SGCZ: variants seen among roughly 807,000 people sequenced by gnomAD.
The protein encoded by SGCZ is zeta-sarcoglycan.
SGCZ carries 40 observed loss-of-function variants against 41.3 expected under a neutral mutation model. The observed-to-expected ratio is 0.97, with a 90% CI of 0.75 to 1.26. The LOEUF (loss-of-function observed/expected upper bound fraction) is 1.26. Ranked by LOEUF, SGCZ falls within the 50% of genes most tolerant of loss-of-function variation. The pLI is 0.00. For missense variants in SGCZ, 552 were observed against 369.8 expected (o/e 1.49, Z -4.04); for synonymous variants, 206 against 137.5 (o/e 1.50, Z -3.49).
chr8:14,684,194 C>G (rs1808534280), intron 1 of SGCZ, among the ~76,000 whole-genome samples: 1 of 152,058 alleles, frequency 6.6e-6, no homozygotes. Flanking sequence ...TGTACTCACT[C>G]CCTTCATAAT....
At chr8:15,017,578 T>C (rs754876942) in intron 1 of SGCZ, among the ~76,000 whole-genome samples, 1 of 152,156 alleles carries the variant, frequency 6.6e-6, no homozygotes, top group Non-Finnish European at 1.5e-5. Context: ...CACGGCTCAA[T>C]GCAGCCTCAA....
At chr8:14,655,417 A>G (rs538724702) in intron 1 of SGCZ, among the ~76,000 whole-genome samples, 2 of 152,166 alleles carry the variant, frequency 1.3e-5, no homozygotes, top group Non-Finnish European at 2.9e-5. Context: ...AATTTCCTGC[A>G]TGCGTAACTT....
intron 1 of SGCZ, among the ~76,000 whole-genome samples, chr8:14,756,899 C>T (rs773530874): frequency 5.9e-5 from 9 of 152,068 alleles, no homozygotes; most frequent in East Asian, 1.9e-4. Flanking sequence ...CACACTCTAA[C>T]GAAATGAAAG....
chr8:14,302,368 G>A (rs1372352579), intron 3 of SGCZ, among the ~76,000 whole-genome samples: 2 of 152,096 alleles, frequency 1.3e-5, no homozygotes, highest in Admixed American at 6.6e-5. Flanking sequence ...ATTAAATCAA[G>A]TGTATTTTAT....
chr8:14,285,664 G>A (rs1042636439), intron 3 of SGCZ, among the ~76,000 whole-genome samples: 3 of 152,080 alleles, frequency 2.0e-5, no homozygotes, highest in African/African-American at 7.2e-5. Context: ...AAACAAAGAA[G>A]TCCTGACTAT....
At chr8:14,288,199 T>C (rs1018908236) in intron 3 of SGCZ, among the ~76,000 whole-genome samples, 3 of 152,114 alleles carry the variant, frequency 2.0e-5, no homozygotes, top group East Asian at 1.9e-4. Context: ...TTTTTCAGTG[T>C]ATTATAAAAT....
chr8:15,037,478 G>T (rs536943310), intron 1 of SGCZ, among the ~76,000 whole-genome samples: 2 of 152,272 alleles, frequency 1.3e-5, no homozygotes, highest in East Asian at 3.9e-4. Context: ...CACAGCATGA[G>T]AATGGACTAA....
chr8:14,817,674 G>A (rs1352044318), intron 1 of SGCZ, among the ~76,000 whole-genome samples: 1 of 152,136 alleles, frequency 6.6e-6, no homozygotes, highest in African/African-American at 2.4e-5. Flanking sequence ...GAACCCACAT[G>A]GCACCACCCT....
chr8:15,157,425 GA>G (rs775423781), intron 1 of SGCZ, among the ~76,000 whole-genome samples: 362 of 139,122 alleles, frequency 2.6e-3, no homozygotes, highest in South Asian at 5.7e-3. Context: ...TCTTAAGGGG[GA>G]AAAAAAAAAA....
At chr8:14,769,309 T>G (rs1007282517) in intron 1 of SGCZ, among the ~76,000 whole-genome samples, 1 of 152,168 alleles carries the variant, frequency 6.6e-6, no homozygotes, top group African/African-American at 2.4e-5. Context: ...GAAAAACCCT[T>G]TCTGCAAATA....
intron 1 of SGCZ, among the ~76,000 whole-genome samples, chr8:14,701,602 A>G (rs1174884935): frequency 6.6e-6 from 1 of 151,946 alleles, no homozygotes; most frequent in Non-Finnish European, 1.5e-5. Flanking sequence ...TTTGTCAACA[A>G]ACTATCCTGC....
At chr8:14,102,105 ATT>A (rs11294521) in intron 7 of SGCZ, among the ~76,000 whole-genome samples, 22 of 43,842 alleles carry the variant, frequency 5.0e-4, no homozygotes, top group African/African-American at 1.8e-3. Flanking sequence ...TATATATATA[ATT>A]TTTTTTTTTT....
At chr8:14,832,539 G>A (rs1376474350) in intron 1 of SGCZ, among the ~76,000 whole-genome samples, 2 of 152,068 alleles carry the variant, frequency 1.3e-5, no homozygotes, top group African/African-American at 4.8e-5. Context: ...GTGTAAATTT[G>A]TAATTGAAGA....
At chr8:14,971,182 A>G (rs1283996718) in intron 1 of SGCZ, among the ~76,000 whole-genome samples, 1 of 152,158 alleles carries the variant, frequency 6.6e-6, no homozygotes, top group Non-Finnish European at 1.5e-5. Context: ...GATTGCCCAC[A>G]TGAACAGTCA....
intron 2 of SGCZ, among the ~76,000 whole-genome samples, chr8:14,438,232 G>A (rs191943716): frequency 6.6e-6 from 1 of 151,924 alleles, no homozygotes; most frequent in Admixed American, 6.6e-5. Flanking sequence ...AGTTCTAGAT[G>A]ATTAAGTTCT....
intron 2 of SGCZ, among the ~76,000 whole-genome samples, chr8:14,373,588 C>A (rs1469570873): frequency 6.6e-6 from 1 of 151,840 alleles, no homozygotes; most frequent in Non-Finnish European, 1.5e-5. Flanking sequence ...AAGTATAGTA[C>A]CCTAAAAAAC....
chr8:14,854,918 G>T (rs894955357), intron 1 of SGCZ, among the ~76,000 whole-genome samples: 2 of 151,284 alleles, frequency 1.3e-5, no homozygotes, highest in African/African-American at 4.9e-5. Context: ...GTCCACAGGG[G>T]CCTGAACAAT....
At position 14,726,153 on chromosome 8, in the gene SGCZ, G is replaced by A. The variant is rs561983678; in HGVS notation, c.40-171227C>T. 2.6e-5 allele frequency among the ~76,000 whole-genome samples: 4 copies of A among 150,954 alleles called. No homozygotes were observed. The East Asian group carries it at 7.8e-4, about 30-fold the overall frequency. Reference sequence around the variant, plus strand: ...ACGCACCTGTAGTCCCAGCTACTCGGGAGGCTGAGGCAGGAGAATCACTTG... The same window carrying A: ...ACGCACCTGTAGTCCCAGCTACTCGAGAGGCTGAGGCAGGAGAATCACTTG... On this transcript the variant is annotated intron_variant, in intron 1 of 7. Transcript: ENST00000382080.
At chr8:14,838,811 A>T (rs765436165) in intron 1 of SGCZ, among the ~76,000 whole-genome samples, 2 of 152,136 alleles carry the variant, frequency 1.3e-5, no homozygotes, top group Non-Finnish European at 2.9e-5. Flanking sequence ...ATCATCACAT[A>T]AAAGAACACA....
Sources: allele counts gnomAD v4.1 joint callset (sites outside exome capture counted in the v4.1 genomes callset), GRCh38; gene constraint gnomAD v4.1.1; transcripts MANE v1.5; gene names NCBI Gene and HGNC (gene_info 2026-07-23, HGNC 2026-07-21).